The following CORO2B variants were observed in gnomAD, a reference collection of about 807,000 sequenced individuals.
CORO2B encodes coronin-2B.
A neutral mutation model predicts 58.8 loss-of-function variants in CORO2B; 26 were observed. The ratio of observed to expected loss-of-function variants is 0.44; its 90% CI spans 0.32 to 0.61. CORO2B has a LOEUF of 0.61. CORO2B is among the 20% of genes least tolerant of loss of function. The pLI, the probability that CORO2B is intolerant of heterozygous loss-of-function variation, is 0.04. For missense variants in CORO2B, 460 were observed against 645.1 expected, an observed-to-expected ratio of 0.71 and a Z score of 3.11; for synonymous variants, 242 against 253.8, an observed-to-expected ratio of 0.95 and a Z score of 0.44.
chr15:68,554,290 C>G, the CORO2B span, among the ~76,000 whole-genome samples: 4 of 152,112 alleles, frequency 2.6e-5, no homozygotes, highest in Non-Finnish European at 5.9e-5. Flanking sequence ...CTCCAAGGAT[C>G]CCAGCCTCGG....
At chr15:68,526,482 T>C in the CORO2B span, among the ~76,000 whole-genome samples, 3 of 152,348 alleles carry the variant, frequency 2.0e-5, no homozygotes, top group Non-Finnish European at 2.9e-5. Flanking sequence ...TAGGCTTTCA[T>C]TTCCAGGATG....
At chr15:68,561,277 C>T in the CORO2B span, among the ~76,000 whole-genome samples, 1 of 152,170 alleles carries the variant, frequency 6.6e-6, no homozygotes, top group Admixed American at 6.5e-5. Flanking sequence ...CGGCCCCCCT[C>T]CCAGCTCCTC....
the CORO2B span, among the ~76,000 whole-genome samples, chr15:68,562,506 C>T: frequency 6.6e-6 from 1 of 152,156 alleles, no homozygotes; most frequent in Admixed American, 6.5e-5. Flanking sequence ...ATATGGGTGG[C>T]TCAGTTACAT....
intron 5 of CORO2B, 42 bp from the exon 6 acceptor site, chr15:68,713,883 T>A (rs1471737713): frequency 7.0e-7 from 1 of 1,420,116 alleles, no homozygotes. Flanking sequence ...AGAACCCACA[T>A]GTTGGGGACC....
At position 68,579,010 on chromosome 15, in the gene CORO2B, C is replaced by T; in HGVS notation, c.-253C>T. 1.0e-6 allele frequency: 1 copy of T among 984,940 alleles called. No homozygotes were observed. The allele number at this position is 984,940 out of a possible 1,614,324, so 61.0% of individuals were successfully genotyped here. A position where few individuals can be genotyped will look rare whatever the true frequency, so the allele number is the denominator to read the frequency against. On this transcript the variant is annotated 5_prime_UTR_variant, in exon 1 of 12. Coordinates refer to ENST00000261861, the MANE Select transcript of CORO2B (RefSeq NM_006091.5). ...CTCCCTTTCTTCCTGCCTCGCCTTCCTGCGGCGAAGGAGGCTCATCTATTA... is the reference window on the plus strand; with the variant it reads ...CTCCCTTTCTTCCTGCCTCGCCTTCTTGCGGCGAAGGAGGCTCATCTATTA...
At chr15:68,615,674 C>A (rs1242201748) in intron 1 of CORO2B, among the ~76,000 whole-genome samples, 2 of 152,162 alleles carry the variant, frequency 1.3e-5, no homozygotes, top group African/African-American at 2.4e-5. Flanking sequence ...ATAAAAGAGA[C>A]CCCTGAGAGG....
At chr15:68,568,363 A>C in the CORO2B span, among the ~76,000 whole-genome samples, 5 of 152,110 alleles carry the variant, frequency 3.3e-5, no homozygotes, top group African/African-American at 1.2e-4. Flanking sequence ...AGTGCCTAAC[A>C]CAGTGCCTAG....
chr15:68,584,115 AGGACAT>A (rs993471861), intron 1 of CORO2B, among the ~76,000 whole-genome samples: 2 of 152,230 alleles, frequency 1.3e-5, no homozygotes, highest in African/African-American at 4.8e-5. Flanking sequence ...TTAGAGGAGA[AGGACAT>A]GGAAAGGCCA....
At position 68,579,046 on chromosome 15, in the gene CORO2B, T is replaced by G; in HGVS notation, c.-217T>G. On this transcript the variant is annotated 5_prime_UTR_variant, in exon 1 of 12. Coordinates refer to ENST00000261861, the MANE Select transcript of CORO2B (RefSeq NM_006091.5). ...GAGGCTCATCTATTATAAATGCACA[T>G]TCGGGGCTGACATCAGCGACGAGCG... 1 of 982,854 alleles carries G rather than the reference T, an allele frequency of 1.0e-6. No individual in the cohort carries two copies. The highest frequency in any genetic ancestry group is 1.2e-6 in the Non-Finnish European group (1 of 829,322). The allele number at this position is 982,854 out of a possible 1,614,324, so 60.9% of individuals were successfully genotyped here.
At chr15:68,671,063 G>A (rs1902376680) in intron 2 of CORO2B, among the ~76,000 whole-genome samples, 1 of 152,146 alleles carries the variant, frequency 6.6e-6, no homozygotes, top group South Asian at 2.1e-4. Flanking sequence ...CCAAAAGTAG[G>A]GAATTGCATA....
chr15:68,589,046 T>G (rs1281709562), intron 1 of CORO2B, among the ~76,000 whole-genome samples: 1 of 152,200 alleles, frequency 6.6e-6, no homozygotes, highest in Admixed American at 6.5e-5. Flanking sequence ...CCTTCCTGCC[T>G]TACTCATTAA....
intron 2 of CORO2B, among the ~76,000 whole-genome samples, chr15:68,665,873 A>G (rs975401013): frequency 2.2e-4 from 33 of 152,308 alleles, no homozygotes; most frequent in Admixed American, 6.5e-5. Flanking sequence ...ATTTGCAAGT[A>G]GTGATAATTC....
At chr15:68,582,434 A>G (rs1049857853) in intron 1 of CORO2B, among the ~76,000 whole-genome samples, 4 of 152,142 alleles carry the variant, frequency 2.6e-5, no homozygotes, top group Non-Finnish European at 5.9e-5. Flanking sequence ...CGTGCTTCCT[A>G]GGGCAGCTCG....
chr15:68,658,671 T>G (rs571707104), intron 2 of CORO2B, among the ~76,000 whole-genome samples: 1 of 152,366 alleles, frequency 6.6e-6, no homozygotes, highest in African/African-American at 2.4e-5. Flanking sequence ...AGCTTCATTC[T>G]TCTTTGTCCA....
chr15:68,582,443 C>T (rs181810241), intron 1 of CORO2B, among the ~76,000 whole-genome samples: 2 of 152,262 alleles, frequency 1.3e-5, no homozygotes, highest in East Asian at 1.9e-4. Context: ...TAGGGCAGCT[C>T]GGGGCGAGGG....
intron 1 of CORO2B, among the ~76,000 whole-genome samples, chr15:68,612,020 C>CTCTGCCCATCCACTGCCCACCCA (rs1235249629): frequency 6.6e-6 from 1 of 152,192 alleles, no homozygotes; most frequent in African/African-American, 2.4e-5. Flanking sequence ...ATCCACCCAC[C>CTCTGCCCATCCACTGCCCACCCA]TCCACTGCCC....
intron 1 of CORO2B, among the ~76,000 whole-genome samples, chr15:68,602,407 TCA>T (rs370587519): frequency 0.093 from 12,921 of 138,656 alleles, 532 homozygotes; most frequent in Admixed American, 0.12. Context: ...TAGGGGCTGA[TCA>T]CACACACACA....
chr15:68,643,145 T>C lies in CORO2B; in HGVS notation c.16-2015T>C, dbSNP rs368941537. Among the ~76,000 whole-genome samples, 29 of 152,342 alleles carry C rather than the reference T, an allele frequency of 1.9e-4. No individual in the cohort carries two copies. In the East Asian group the frequency reaches 4.8e-3, roughly 25 times the overall value. On this transcript the variant is annotated intron_variant, in intron 1 of 11. Transcript: ENST00000261861. The stretch of plus-strand genomic sequence containing the variant: ...ATATTTTTTCTAAAGCAATTTAAAA[T>C]AAACACATGACTGGCTAAAATTAAC...
At chr15:68,619,606 A>G (rs1023327186) in intron 1 of CORO2B, among the ~76,000 whole-genome samples, 2 of 152,120 alleles carry the variant, frequency 1.3e-5, no homozygotes, top group Non-Finnish European at 2.9e-5. Context: ...AGTACACAAG[A>G]TAGTCCCAGC....
Sources: allele counts gnomAD v4.1 joint callset (sites outside exome capture counted in the v4.1 genomes callset), GRCh38; gene constraint gnomAD v4.1.1; transcripts MANE v1.5; gene names NCBI Gene and HGNC (gene_info 2026-07-23, HGNC 2026-07-21).